The following GPHN variants were observed in gnomAD, a reference collection of about 807,000 sequenced individuals.
GPHN encodes gephyrin.
In GPHN, 17 loss-of-function variants were observed where a neutral mutation model predicts 95.5. The observed-to-expected ratio is 0.18, with a 90% CI of 0.12 to 0.27. GPHN has a LOEUF of 0.27. GPHN is among the 10% of genes least tolerant of loss of function. GPHN has a pLI of 1.00. For synonymous variants in GPHN, 320 were observed against 322.5 expected (o/e 0.99, Z 0.08); for missense variants, 660 against 978.1 (o/e 0.67, Z 4.34).
chr14:67,497,613 C>A, the GPHN span, among the ~76,000 whole-genome samples: 1 of 152,198 alleles, frequency 6.6e-6, no homozygotes, highest in African/African-American at 2.4e-5. Context: ...AAGATCCTAA[C>A]TCCCTTTCTA....
the GPHN span, among the ~76,000 whole-genome samples, chr14:67,486,245 A>C: frequency 0.25 from 37,453 of 152,168 alleles, 5,598 homozygotes; most frequent in East Asian, 0.53. Context: ...TTCTTGTGAT[A>C]GTGAATAAAT....
At chr14:66,864,531 G>C (rs1282572870) in intron 4 of GPHN, among the ~76,000 whole-genome samples, 1 of 152,134 alleles carries the variant, frequency 6.6e-6, no homozygotes, top group Non-Finnish European at 1.5e-5. Context: ...CCAGCACTTT[G>C]GGAGGCCAAG....
At chr14:67,526,325 C>A in the GPHN span, among the ~76,000 whole-genome samples, 37,068 of 152,124 alleles carry the variant, frequency 0.24, 4,735 homozygotes, top group Middle Eastern at 0.32. Flanking sequence ...CTTTGTGCAG[C>A]GGCATCTCTT....
intron 9 of GPHN, among the ~76,000 whole-genome samples, chr14:67,006,861 A>T (rs1214452708): frequency 6.6e-6 from 1 of 152,184 alleles, no homozygotes; most frequent in African/African-American, 2.4e-5. Context: ...TGCTGTCTCA[A>T]ACATTTAGCT....
At chr14:67,153,191 C>A (rs1239440450) in intron 18 of GPHN, among the ~76,000 whole-genome samples, 1 of 151,978 alleles carries the variant, frequency 6.6e-6, no homozygotes, top group Non-Finnish European at 1.5e-5. Context: ...CCCAACTAGT[C>A]AGGAAGCTGA....
chr14:66,510,898 G>A (rs1024338569), intron 1 of GPHN, among the ~76,000 whole-genome samples: 1 of 152,150 alleles, frequency 6.6e-6, no homozygotes. Context: ...GCCGTCTCAT[G>A]AGAATGAGGT....
At chr14:66,605,221 T>G (rs912339337) in intron 1 of GPHN, among the ~76,000 whole-genome samples, 4 of 152,112 alleles carry the variant, frequency 2.6e-5, no homozygotes, top group Admixed American at 6.5e-5. Flanking sequence ...TACCCAGTAA[T>G]GGGATGGCTG....
chr14:67,290,121 T>TA, the GPHN span, among the ~76,000 whole-genome samples: 3 of 152,226 alleles, frequency 2.0e-5, no homozygotes, highest in South Asian at 4.1e-4. Context: ...TTGTATGTGC[T>TA]CTAAGTTTTT....
chr14:66,770,536 G>T (rs764184381), intron 2 of GPHN, among the ~76,000 whole-genome samples: 1 of 152,088 alleles, frequency 6.6e-6, no homozygotes, highest in Admixed American at 6.6e-5. Context: ...ATTGTAACAA[G>T]AATCTATTTC....
chr14:67,729,311 A>AG, the GPHN span: 1 of 1,600,818 alleles, frequency 6.2e-7, no homozygotes, highest in Non-Finnish European at 8.5e-7. Context: ...ACGGCACGGG[A>AG]GGGGGCGCAG....
At chr14:67,581,126 AGAC>A in the GPHN span, 2 of 811,066 alleles carry the variant, frequency 2.5e-6, no homozygotes, top group Non-Finnish European at 4.3e-6. Flanking sequence ...CAGCCTATCC[AGAC>A]GGGGGGAGGG....
chr14:66,866,221 C>G (rs1442475103), intron 4 of GPHN, among the ~76,000 whole-genome samples: 1 of 152,094 alleles, frequency 6.6e-6, no homozygotes, highest in Non-Finnish European at 1.5e-5. Context: ...CTTTTTTCCT[C>G]CATATCTACA....
chr14:66,576,204 C>T (rs1330834379), intron 1 of GPHN, among the ~76,000 whole-genome samples: 1 of 152,118 alleles, frequency 6.6e-6, no homozygotes, highest in African/African-American at 2.4e-5. Context: ...TGGGCATGGG[C>T]CTGGATCCTG....
At chr14:66,527,264 C>T (rs191492574) in intron 1 of GPHN, among the ~76,000 whole-genome samples, 16 of 151,842 alleles carry the variant, frequency 1.1e-4, no homozygotes, top group African/African-American at 2.4e-4. Context: ...TGCATAGAGG[C>T]GTTTATAGTA....
chr14:67,665,066 C>T, the GPHN span, among the ~76,000 whole-genome samples: 1 of 152,088 alleles, frequency 6.6e-6, no homozygotes, highest in African/African-American at 2.4e-5. Flanking sequence ...GGGGTTTAAC[C>T]ATGTTGGCCA....
chr14:67,425,404 G>A, the GPHN span, among the ~76,000 whole-genome samples: 1 of 152,098 alleles, frequency 6.6e-6, no homozygotes, highest in Admixed American at 6.6e-5. Context: ...TTAGCCCGGT[G>A]TGGTGGCACA....
the GPHN span, among the ~76,000 whole-genome samples, chr14:67,276,340 T>C: frequency 6.6e-6 from 1 of 152,214 alleles, no homozygotes; most frequent in Non-Finnish European, 1.5e-5. Flanking sequence ...TCTGTCATAC[T>C]CTTCCTTCCT....
At chr14:67,589,982 CTG>C in the GPHN span, 1 of 1,439,114 alleles carries the variant, frequency 6.9e-7, no homozygotes, top group Non-Finnish European at 9.1e-7. Flanking sequence ...GTTCCTAGGA[CTG>C]TGTCCACCTG....
At chr14:66,979,128 A>T (rs909753696) in intron 9 of GPHN, among the ~76,000 whole-genome samples, 3 of 152,170 alleles carry the variant, frequency 2.0e-5, no homozygotes, top group Admixed American at 2.0e-4. Context: ...ATTTTGCATA[A>T]TTCTTAAAGG....
Sources: allele counts gnomAD v4.1 joint callset (sites outside exome capture counted in the v4.1 genomes callset), GRCh38; gene constraint gnomAD v4.1.1; transcripts MANE v1.5; gene names NCBI Gene and HGNC (gene_info 2026-07-23, HGNC 2026-07-21).